Variants in MAZ observed in about 807,000 individuals in gnomAD.
MAZ encodes the protein myc-associated zinc finger protein.
In MAZ, 4 loss-of-function variants were observed where a neutral mutation model predicts 32.7. The observed-to-expected ratio is 0.12, with a 90% CI of 0.06 to 0.28. The LOEUF is 0.28. Ranked by LOEUF, MAZ falls within the 10% of genes least tolerant of loss-of-function variation. The probability of loss-of-function intolerance (pLI) is 1.00; values close to 1 mark genes in which losing one functional copy is unlikely to be tolerated. For synonymous variants in MAZ, 510 were observed against 297.6 expected (o/e 1.71, Z -7.35); for missense variants, 763 against 667.2 (o/e 1.14, Z -1.58).
In MAZ at chr16:29,806,623, G is replaced by A. The variant is rs1204823394; in HGVS notation, c.-79G>A. The stretch of plus-strand genomic sequence containing the variant: ...CGGCCCAGCCCGGCCGGCCGGGGGC[G>A]GCGCCCCGAGCCCGGGCCCCGCGCG... On this transcript the variant is annotated 5_prime_UTR_variant, in exon 1 of 5. Transcript: ENST00000322945. 1.0e-5 allele frequency: 10 copies of A among 965,118 alleles called. No individual in the cohort carries two copies. The highest frequency in any genetic ancestry group is 4.7e-5 in the South Asian group (1 of 21,278). 59.8% of individuals were successfully genotyped at this position (965,118 alleles called of 1,614,324 possible). A position where few individuals can be genotyped will look rare whatever the true frequency, so the allele number is the denominator to read the frequency against.
At position 29,806,543 on chromosome 16, in the gene MAZ, C is replaced by T. The variant is rs1390905495; in HGVS notation, c.-159C>T. 4 of 869,382 alleles carry T rather than the reference C, an allele frequency of 4.6e-6. No homozygotes were observed. Among genetic ancestry groups the T allele is most frequent in the Non-Finnish European group, 5.5e-6 (4 of 730,982 alleles). The allele number at this position is 869,382 out of a possible 1,614,324, so 53.9% of individuals were successfully genotyped here. A position where few individuals can be genotyped will look rare whatever the true frequency, so the allele number is the denominator to read the frequency against. ...CGCAAGGCGCCCTCTTTTCCTCCCTCCCGCCGGCCGGGGTGCGCGGGCGGC... is the reference window on the plus strand; with the variant it reads ...CGCAAGGCGCCCTCTTTTCCTCCCTTCCGCCGGCCGGGGTGCGCGGGCGGC... On this transcript the variant is annotated 5_prime_UTR_variant, in exon 1 of 5. Transcript: ENST00000322945.
Position 29,806,597 on chromosome 16 carries a change from G to GCGGCC in MAZ, c.-103_-99dup. Reference sequence around the variant, plus strand: ...GCGGCCCGCGGGCCATGCGTTCGGCGCGGCCCAGCCCGGCCGGCCGGGGGC... The same window carrying GCGGCC: ...GCGGCCCGCGGGCCATGCGTTCGGCGCGGCCCGGCCCAGCCCGGCCGGCCGGGGGC... On this transcript the variant is annotated 5_prime_UTR_variant, in exon 1 of 5. The change abolishes the stop of an existing upstream ORF in the 5' untranslated region. Transcript: ENST00000322945. 3 of 965,788 alleles carry GCGGCC rather than the reference G, an allele frequency of 3.1e-6. No homozygotes were observed. Among genetic ancestry groups the GCGGCC allele is most frequent in the Non-Finnish European group, 3.7e-6 (3 of 818,632 alleles). 59.8% of individuals were successfully genotyped at this position (965,788 alleles called of 1,614,324 possible). A position where few individuals can be genotyped will look rare whatever the true frequency, so the allele number is the denominator to read the frequency against.
At chr16:29,808,484 T>G (rs1899687054) in intron 3 of MAZ, 86 bp from the exon 4 acceptor site, 1 of 1,059,800 alleles carries the variant, frequency 9.4e-7, no homozygotes, top group Non-Finnish European at 1.4e-6. Flanking sequence ...AAGGCTCTGA[T>G]TCCTTTAATC....
intron 4 of MAZ, chr16:29,809,245 C>G (rs1295883562): frequency 3.7e-6 from 2 of 534,624 alleles, no homozygotes; most frequent in South Asian, 2.5e-5. Flanking sequence ...AGGGTCAACC[C>G]TGCAAGTGGC....
rs1555501536 is a variant in MAZ at position 29,810,108 on chromosome 16, AGCGGCAGCG to A, written c.1323_1331del (p.Ala446_Ala448del). 2.9e-3 allele frequency: 4,423 copies of A among 1,542,868 alleles called. 20 individuals carry two copies. Among genetic ancestry groups the A allele is most frequent in the Middle Eastern group, 0.023 (123 of 5,404 alleles). ...GTGAGGTTTGTCCAATGGCGGCGGC[AGCGGCAGCG>A]GCGGCAGCGGCAGCAGCGGCAGCAG... is the stretch of plus-strand genomic sequence containing the variant. On this transcript the variant is annotated inframe_deletion, in exon 5 of 5. Transcript: ENST00000322945.
intron 4 of MAZ, 151 bp from the exon 5 acceptor site, chr16:29,809,926 T>C (rs1424783093): frequency 2.3e-6 from 3 of 1,311,240 alleles, no homozygotes; most frequent in East Asian, 2.3e-5. Context: ...CTGCTCTGTC[T>C]GGGTGAGGAT....
In MAZ at chr16:29,810,307, C is replaced by T; in HGVS notation, c.*76C>T. 1.4e-6 allele frequency: 2 copies of T among 1,386,320 alleles called. No homozygotes were observed. The highest frequency in any genetic ancestry group is 1.0e-6 in the Non-Finnish European group (1 of 1,000,920). The allele number at this position is 1,386,320 out of a possible 1,614,324, so 85.9% of individuals were successfully genotyped here. On this transcript the variant is annotated 3_prime_UTR_variant, in exon 5 of 5. Transcript: ENST00000322945. The stretch of plus-strand genomic sequence containing the variant: ...TACAAGCTCCTCTCCCCCCTCTTTT[C>T]CCACCAACTCCTATTTCCCTACCAA...
At chr16:29,808,420 C>T (rs1488145503) in intron 3 of MAZ, 127 bp downstream of exon 3, 9 of 1,074,006 alleles carry the variant, frequency 8.4e-6, no homozygotes, top group Admixed American at 2.0e-5. Flanking sequence ...TTTTCTCATC[C>T]CTTCTTCAAG....
intron 4 of MAZ, 44 bp from the exon 5 acceptor site, chr16:29,810,033 G>A: frequency 6.3e-7 from 1 of 1,578,020 alleles, no homozygotes; most frequent in Non-Finnish European, 8.6e-7. Context: ...CAAGGCTCTT[G>A]CCATTCAGAT....
upstream of MAZ, chr16:29,806,513 C>T (rs1435729413): frequency 6.0e-5 from 32 of 533,988 alleles, no homozygotes; most frequent in Admixed American, 1.7e-3. Flanking sequence ...CGGCGCTCCG[C>T]GGCCCGCAAG....
In MAZ at chr16:29,808,715, A is replaced by G; in HGVS notation, c.1253A>G (p.His418Arg). The stretch of plus-strand genomic sequence containing the variant: ...ATGAAGGTGCACAGCCAGGGTCCTC[A>G]CCATGTCTGTGAGCTCTGCAACAAA... ...DHMKVHSQGP[H>R]HVCELCNKGT... The change falls in exon 4 of 5, where the codon CAC becomes CGC. Residue 418 changes from histidine (H) to arginine (R), a missense_variant. Physicochemically the swap from His to Arg is conservative, Grantham distance 29. Coordinates refer to ENST00000322945, the MANE Select transcript of MAZ (RefSeq NM_002383.4). The G allele has an allele frequency of 6.2e-7, 1 of 1,613,856 alleles. No homozygotes were observed. Among genetic ancestry groups the G allele is most frequent in the Non-Finnish European group, 8.5e-7 (1 of 1,179,966 alleles).
Position 29,810,401 on chromosome 16 carries a change from T to C in MAZ, c.*170T>C. 1 of 779,366 alleles carries C rather than the reference T, an allele frequency of 1.3e-6. No homozygotes were observed. Among genetic ancestry groups the C allele is most frequent in the Non-Finnish European group, 2.2e-6 (1 of 454,970 alleles). 48.3% of individuals were successfully genotyped at this position (779,366 alleles called of 1,614,324 possible). On this transcript the variant is annotated 3_prime_UTR_variant, in exon 5 of 5. Transcript: ENST00000322945. The stretch of plus-strand genomic sequence containing the variant: ...GGGGAATTCGCTAGGTTTTAACGAT[T>C]TGTTTCTCCTGCTCCTCTTCTGTCA...
chr16:29,809,150 G>C, intron 4 of MAZ: 1 of 494,554 alleles, frequency 2.0e-6, no homozygotes, highest in Non-Finnish European at 3.6e-6. Context: ...GGGTAGCAGA[G>C]AAAGCTGCCT....
chr16:29,810,963 C>G lies in MAZ; in HGVS notation c.*732C>G, dbSNP rs1335663442. 2.4e-6 allele frequency: 1 copy of G among 417,232 alleles called. No individual in the cohort carries two copies. The highest frequency in any genetic ancestry group is 2.5e-5 in the Admixed American group (1 of 39,320). 25.8% of individuals were successfully genotyped at this position (417,232 alleles called of 1,614,324 possible). On this transcript the variant is annotated 3_prime_UTR_variant, in exon 5 of 5. Transcript: ENST00000322945. ...AGGGCCTAGAGGTGCTTCCTGGGGG[C>G]GGGGGAATGCAGCCAGTGTCCCCCT... is the stretch of plus-strand genomic sequence containing the variant.
rs1219992363 is a variant in MAZ, at chr16:29,807,068, TCCGCCGCGGCTGCTGCGGCCGCTG to T, written c.291_314del (p.Ala101_Ala108del). 1.2e-5 allele frequency: 12 copies of T among 1,019,968 alleles called. No homozygotes were observed. The highest frequency in any genetic ancestry group is 1.3e-5 in the Non-Finnish European group (11 of 857,698). 63.2% of individuals were successfully genotyped at this position (1,019,968 alleles called of 1,614,324 possible). On this transcript the variant is annotated inframe_deletion, in exon 2 of 5. Coordinates refer to ENST00000322945, the MANE Select transcript of MAZ (RefSeq NM_002383.4). ...CCCGGTGCTCGCCGCCGCCCAGGAG[TCCGCCGCGGCTGCTGCGGCCGCTG>T]CCGCCGCTGCTGCCGCCGTCGCTGC...
At chr16:29,808,942 G>T in intron 4 of MAZ, 3 of 591,024 alleles carry the variant, frequency 5.1e-6, no homozygotes, top group South Asian at 4.2e-5. Context: ...GAGATGATCT[G>T]CCAGAGAGGT....
In MAZ at chr16:29,807,796, C is replaced by T. The variant is rs377738959; in HGVS notation, c.1011C>T (p.Tyr337=). 162 of 1,610,370 alleles carry T rather than the reference C, an allele frequency of 1.0e-4. No individual in the cohort carries two copies. Among genetic ancestry groups the T allele is most frequent in the Non-Finnish European group, 1.3e-4 (148 of 1,179,884 alleles). The change falls in exon 2 of 5, where the codon TAC becomes TAT. Residue 337 remains tyrosine (Y), a synonymous_variant. Coordinates refer to ENST00000322945, the MANE Select transcript of MAZ (RefSeq NM_002383.4). ...RSHDGAVHKP[Y]NCSHCGKSFS... is the part of the protein sequence containing the mutation. ...ATGACGGCGCTGTGCACAAGCCCTA[C>T]AACTGCTCCCACTGTGGCAAGAGCT...
chr16:29,806,132 C>A, upstream of MAZ: 5 of 1,237,750 alleles, frequency 4.0e-6, no homozygotes, highest in African/African-American at 1.7e-5. Context: ...CCACCTCCCT[C>A]CCTCCCTCCG....
At chr16:29,807,883 G>A in intron 2 of MAZ, 55 bp downstream of exon 2, 6 of 1,578,612 alleles carry the variant, frequency 3.8e-6, no homozygotes, top group Non-Finnish European at 5.1e-6. Context: ...GGACGCGACG[G>A]AGGTGGCCTG....
Sources: gnomAD v4.1 joint callset for allele counts on GRCh38, gnomAD v4.1.1 for gene constraint, MANE v1.5 for transcripts, NCBI Gene and HGNC (gene_info 2026-07-23, HGNC 2026-07-21) for gene names.